Variants in AGBL4 observed in about 807,000 individuals in gnomAD.
AGBL4 encodes the protein cytosolic carboxypeptidase 6.
In AGBL4, 58 loss-of-function variants were observed where a neutral mutation model predicts 66.4. That is an observed-to-expected ratio of 0.87 (90% CI 0.71 to 1.09). The LOEUF (loss-of-function observed/expected upper bound fraction) is 1.09. Among genes scored for constraint, AGBL4 ranks in the 50% least tolerant of loss-of-function variants. The pLI is 0.00. For missense variants in AGBL4, 579 were observed against 631.0 expected (o/e 0.92, Z 0.88); for synonymous variants, 234 against 222.9 (o/e 1.05, Z -0.44).
intron 3 of AGBL4, among the ~76,000 whole-genome samples, chr1:49,452,158 C>T (rs1291666550): frequency 6.6e-6 from 1 of 151,756 alleles, no homozygotes; most frequent in Non-Finnish European, 1.5e-5. Flanking sequence ...TTAAAACGTT[C>T]GGATTTCTCT....
chr1:49,868,752 T>C (rs989960084), intron 1 of AGBL4, among the ~76,000 whole-genome samples: 1 of 152,000 alleles, frequency 6.6e-6, no homozygotes, highest in African/African-American at 2.4e-5. Context: ...AACTGATGAA[T>C]GGGATCTAAT....
intron 3 of AGBL4, among the ~76,000 whole-genome samples, chr1:49,420,819 T>C (rs1273802881): frequency 1.3e-5 from 2 of 152,186 alleles, no homozygotes; most frequent in Non-Finnish European, 2.9e-5. Context: ...AATAGCTATA[T>C]AGCTAGAACC....
At chr1:48,563,886 TTTCTC>T (rs1390345874) in intron 11 of AGBL4, among the ~76,000 whole-genome samples, 1 of 152,080 alleles carries the variant, frequency 6.6e-6, no homozygotes. Flanking sequence ...AACCAGAACT[TTTCTC>T]TTCCCTTCTC....
At chr1:49,812,815 T>A (rs1645131208) in intron 2 of AGBL4, among the ~76,000 whole-genome samples, 1 of 152,140 alleles carries the variant, frequency 6.6e-6, no homozygotes, top group African/African-American at 2.4e-5. Context: ...GGTACTGTAC[T>A]AAGTCACACC....
intron 1 of AGBL4, among the ~76,000 whole-genome samples, chr1:50,011,967 G>A (rs1239611432): frequency 6.6e-6 from 1 of 152,008 alleles, no homozygotes; most frequent in Admixed American, 6.6e-5. Flanking sequence ...AGACCATCCT[G>A]GCTAACAAGG....
At chr1:48,535,967 G>A (rs1643964435) in intron 12 of AGBL4, among the ~76,000 whole-genome samples, 1 of 152,092 alleles carries the variant, frequency 6.6e-6, no homozygotes, top group African/African-American at 2.4e-5. Context: ...GGATACAGAA[G>A]TAAGTAAGAC....
chr1:49,933,619 A>G (rs1295480831), intron 1 of AGBL4, among the ~76,000 whole-genome samples: 3 of 152,164 alleles, frequency 2.0e-5, no homozygotes, highest in Non-Finnish European at 4.4e-5. Flanking sequence ...ACAATAAAAA[A>G]GACGCAAATT....
rs564074991 is a variant in AGBL4, at chr1:49,498,836, T to C, written c.282+198477A>G. On this transcript the variant is annotated intron_variant, in intron 3 of 13. Transcript: ENST00000371839. Reference sequence around the variant, plus strand: ...CAACTACTATCCTTCATTCAGTTAATGTGGTATTGTTGTACATCACGTTTA... The same window carrying C: ...CAACTACTATCCTTCATTCAGTTAACGTGGTATTGTTGTACATCACGTTTA... 9.9e-5 allele frequency among the ~76,000 whole-genome samples: 15 copies of C among 152,174 alleles called. No individual in the cohort carries two copies. The East Asian group carries it at 2.7e-3, about 28-fold the overall frequency.
chr1:49,890,359 C>T (rs1200345408), intron 1 of AGBL4, among the ~76,000 whole-genome samples: 1 of 152,064 alleles, frequency 6.6e-6, no homozygotes, highest in African/African-American at 2.4e-5. Context: ...GAGACAACAG[C>T]AGATAAGAAA....
intron 6 of AGBL4, among the ~76,000 whole-genome samples, chr1:48,830,188 T>C (rs1345754130): frequency 6.6e-6 from 1 of 152,224 alleles, no homozygotes; most frequent in East Asian, 1.9e-4. Flanking sequence ...TGCGCCTCAG[T>C]CGTTTCTATA....
At chr1:49,458,304 T>A (rs1008144156) in intron 3 of AGBL4, among the ~76,000 whole-genome samples, 1 of 151,774 alleles carries the variant, frequency 6.6e-6, no homozygotes, top group Non-Finnish European at 1.5e-5. Context: ...TTTTATTTTA[T>A]TTTTTGCTAT....
Position 50,010,701 on chromosome 1 carries a change from A to C in AGBL4, c.34+13062T>G, listed in dbSNP as rs557894215. 7.2e-5 allele frequency among the ~76,000 whole-genome samples: 11 copies of C among 152,338 alleles called. No individual in the cohort carries two copies. The East Asian group carries it at 2.1e-3, about 29-fold the overall frequency. On this transcript the variant is annotated intron_variant, in intron 1 of 13. Coordinates refer to ENST00000371839, the MANE Select transcript of AGBL4 (RefSeq NM_032785.4). Reference sequence around the variant, plus strand: ...GAAATCATTTTCAACAAAGGTGCCAAGAACATACACTGGGGAAAGGACAGT... The same window carrying C: ...GAAATCATTTTCAACAAAGGTGCCACGAACATACACTGGGGAAAGGACAGT...
chr1:48,726,332 G>A (rs1400521654), intron 6 of AGBL4, among the ~76,000 whole-genome samples: 1 of 152,126 alleles, frequency 6.6e-6, no homozygotes, highest in African/African-American at 2.4e-5. Flanking sequence ...AAGGGGATGA[G>A]CTCAACAATG....
intron 2 of AGBL4, among the ~76,000 whole-genome samples, chr1:49,714,302 A>T (rs886869225): frequency 6.6e-6 from 1 of 151,824 alleles, no homozygotes; most frequent in African/African-American, 2.4e-5. Context: ...GCCATCACCT[A>T]AATAATGTAG....
At chr1:48,752,585 G>A (rs79911184) in intron 6 of AGBL4, among the ~76,000 whole-genome samples, 3,388 of 152,228 alleles carry the variant, frequency 0.022, 98 homozygotes, top group African/African-American at 0.078. Flanking sequence ...ATCCCAGACC[G>A]TCACATCTGT....
intron 3 of AGBL4, among the ~76,000 whole-genome samples, chr1:49,573,146 C>G (rs868274812): frequency 5.3e-4 from 73 of 136,664 alleles, no homozygotes; most frequent in African/African-American, 1.6e-3. Flanking sequence ...GTGTGTGTGT[C>G]TGTGTGTGTG....
rs140894150 is a variant in AGBL4 at position 48,793,209 on chromosome 1, A to T, written c.634+73982T>A. 1.4e-3 allele frequency among the ~76,000 whole-genome samples: 206 copies of T among 152,286 alleles called. 1 individual carries two copies. The highest frequency in any genetic ancestry group is 3.9e-3 in the South Asian group (19 of 4,820). On this transcript the variant is annotated intron_variant, in intron 6 of 13. Coordinates refer to ENST00000371839, the MANE Select transcript of AGBL4 (RefSeq NM_032785.4). ...CAGATAATTAATGATCTATAAACAA[A>T]TGCTTAATTGTACTAGGGGAGCACA...
At chr1:49,832,308 C>T (rs1645711232) in intron 2 of AGBL4, among the ~76,000 whole-genome samples, 1 of 150,786 alleles carries the variant, frequency 6.6e-6, no homozygotes, top group Non-Finnish European at 1.5e-5. Context: ...CATCCATGTC[C>T]CTACAAAGGA....
In AGBL4 at chr1:49,837,586, C is replaced by T. The variant is rs6704411; in HGVS notation, c.157+13810G>A. ...TCCTGGCCAGATGCAGTGGCTCACA[C>T]CTGTAATCCCAGCACTTTGGGAGGC... On this transcript the variant is annotated intron_variant, in intron 2 of 13. Coordinates refer to ENST00000371839, the MANE Select transcript of AGBL4 (RefSeq NM_032785.4). Among the ~76,000 whole-genome samples the T allele has an allele frequency of 5.4e-3, 818 of 152,328 alleles. 7 individuals are homozygous for T. Among genetic ancestry groups the T allele is most frequent in the Non-Finnish European group, 9.8e-3 (668 of 68,024 alleles).
Sources: allele counts gnomAD v4.1 joint callset (sites outside exome capture counted in the v4.1 genomes callset), GRCh38; gene constraint gnomAD v4.1.1; transcripts MANE v1.5; gene names NCBI Gene and HGNC (gene_info 2026-07-23, HGNC 2026-07-21).